KLHL13: variants seen among roughly 807,000 people sequenced by gnomAD.
KLHL13 encodes the protein kelch like family member 13.
A neutral mutation model predicts 37.1 loss-of-function variants in KLHL13; 10 were observed. The ratio of observed to expected loss-of-function variants is 0.27; its 90% CI spans 0.17 to 0.46. The LOEUF is 0.46. Ranked by LOEUF, KLHL13 falls within the 20% of genes least tolerant of loss-of-function variation. The probability of loss-of-function intolerance (pLI) is 1.00; values close to 1 mark genes in which losing one functional copy is unlikely to be tolerated. For missense variants in KLHL13, 360 were observed against 509.3 expected, an observed-to-expected ratio of 0.71 and a Z score of 2.82; for synonymous variants, 163 against 181.2, an observed-to-expected ratio of 0.90 and a Z score of 0.81.
rs5956005 is a variant in KLHL13, at chrX:118,066,590, G to A, written c.-56+49918C>T. On this transcript the variant is annotated intron_variant, in intron 1 of 6. Transcript: ENST00000371882. Reference sequence around the variant, plus strand: ...TCTTCAGGATTTTAGGTTAGGCAAAGATCTTGTAGCTATGAAAAACATGAT... The same window carrying A: ...TCTTCAGGATTTTAGGTTAGGCAAAAATCTTGTAGCTATGAAAAACATGAT... Among the ~76,000 whole-genome samples, 380 of 111,473 alleles carry A rather than the reference G, an allele frequency of 3.4e-3. 4 individuals carry two copies. The highest frequency in any genetic ancestry group is 0.012 in the African/African-American group (364 of 30,781).
chrX:117,904,987 G>GA (rs1448116794), intron 5 of KLHL13, among the ~76,000 whole-genome samples: 14 of 111,242 alleles, frequency 1.3e-4, no homozygotes, highest in African/African-American at 4.6e-4. Context: ...TCCAGAATCG[G>GA]TCCCAGAAGA....
chrX:118,028,629 T>C (rs1226120373), intron 1 of KLHL13, 132 bp from the exon 2 acceptor site: 1 of 309,443 alleles, frequency 3.2e-6, no homozygotes, highest in Non-Finnish European at 5.7e-6. Context: ...GTACTTAATG[T>C]TCATATTACA....
intron 1 of KLHL13, among the ~76,000 whole-genome samples, chrX:117,972,049 T>C (rs1033146347): frequency 8.9e-6 from 1 of 111,880 alleles, no homozygotes; most frequent in Non-Finnish European, 1.9e-5. Flanking sequence ...TGAAAACTTC[T>C]AGAAAGACTT....
chrX:117,976,011 T>C (rs1206168304), upstream of KLHL13, among the ~76,000 whole-genome samples: 2 of 111,824 alleles, frequency 1.8e-5, no homozygotes, highest in African/African-American at 3.2e-5. Flanking sequence ...TCTAATACCA[T>C]GAATCTTCCA....
intron 1 of KLHL13, among the ~76,000 whole-genome samples, chrX:118,107,590 A>G (rs1268224220): frequency 1.8e-5 from 2 of 112,120 alleles, no homozygotes; most frequent in African/African-American, 6.5e-5. Flanking sequence ...AGCACTCTAT[A>G]CGCATTATTA....
chrX:118,038,285 G>A (rs954909954), intron 1 of KLHL13, among the ~76,000 whole-genome samples: 4 of 112,037 alleles, frequency 3.6e-5, no homozygotes, highest in Non-Finnish European at 7.5e-5. Flanking sequence ...CTCTCCTGTA[G>A]GAAGACGAAA....
intron 1 of KLHL13, among the ~76,000 whole-genome samples, chrX:118,009,995 A>C (rs1368878640): frequency 9.0e-6 from 1 of 110,947 alleles, no homozygotes; most frequent in Non-Finnish European, 1.9e-5. Flanking sequence ...AAAAATGCTC[A>C]TCATCACTGG....
intron 1 of KLHL13, among the ~76,000 whole-genome samples, chrX:118,055,607 CA>C (rs1265620065): frequency 9.1e-6 from 1 of 110,264 alleles, no homozygotes; most frequent in South Asian, 3.8e-4. Context: ...TAAGGGGTTG[CA>C]AAAAAAATTC....
At chrX:117,962,137 G>T (rs1390218613) in intron 1 of KLHL13, among the ~76,000 whole-genome samples, 2 of 106,739 alleles carry the variant, frequency 1.9e-5, no homozygotes, top group African/African-American at 6.9e-5. Context: ...CTTGAGTCCG[G>T]TGGTCGAGGC....
chrX:118,041,430 G>A lies in KLHL13; in HGVS notation c.-56+75078C>T, dbSNP rs566673281. ...TAGTCCCAGCTACTAGGGAGGTTGAGGTGGGTGGATCACTTAAGGCCAGGA... is the reference window on the plus strand; with the variant it reads ...TAGTCCCAGCTACTAGGGAGGTTGAAGTGGGTGGATCACTTAAGGCCAGGA... On this transcript the variant is annotated intron_variant, in intron 1 of 6. Coordinates refer to the KLHL13 transcript ENST00000371882. Among the ~76,000 whole-genome samples the A allele has an allele frequency of 2.4e-4, 27 of 111,252 alleles. No individual in the cohort carries two copies. In the South Asian group the frequency reaches 9.6e-3, roughly 39 times the overall value.
intron 1 of KLHL13, among the ~76,000 whole-genome samples, chrX:118,115,088 G>A (rs1423708094): frequency 4.4e-5 from 5 of 112,384 alleles, no homozygotes; most frequent in Non-Finnish European, 7.5e-5. Context: ...CTCTTTTACC[G>A]TTAAGTATGA....
chrX:118,029,937 C>A (rs1205047649), intron 1 of KLHL13, among the ~76,000 whole-genome samples: 1 of 110,147 alleles, frequency 9.1e-6, no homozygotes, highest in Non-Finnish European at 1.9e-5. Context: ...AACTGCACTC[C>A]AGCCTGGGTG....
chrX:118,068,931 G>A (rs776528701), intron 1 of KLHL13, among the ~76,000 whole-genome samples: 1 of 110,987 alleles, frequency 9.0e-6, no homozygotes, highest in South Asian at 3.9e-4. Context: ...CTCAGGCAGA[G>A]TTGAGGCTGC....
intron 5 of KLHL13, among the ~76,000 whole-genome samples, chrX:117,903,374 T>C (rs1343559707): frequency 8.9e-6 from 1 of 111,846 alleles, no homozygotes; most frequent in African/African-American, 3.2e-5. Context: ...CAAAGGCTTT[T>C]ACTATTCTCA....
upstream of KLHL13, chrX:118,116,870 G>T (rs1254340472): frequency 7.6e-5 from 7 of 92,199 alleles, no homozygotes; most frequent in African/African-American, 1.9e-4. Context: ...GGCAGTGGGG[G>T]GGGGAGCGCG....
chrX:118,029,700 G>A (rs1056310974), intron 1 of KLHL13, among the ~76,000 whole-genome samples: 1 of 112,153 alleles, frequency 8.9e-6, no homozygotes. Flanking sequence ...TGGGTGCAGT[G>A]GCTGATGCCT....
chrX:117,972,699 C>T, intron 1 of KLHL13: 1 of 1,150,594 alleles, frequency 8.7e-7, no homozygotes, highest in Non-Finnish European at 1.2e-6. Flanking sequence ...TGAATGAAAT[C>T]CCACTTTAAT....
At chrX:117,950,588 A>T (rs1013997329) in intron 1 of KLHL13, among the ~76,000 whole-genome samples, 2 of 112,344 alleles carry the variant, frequency 1.8e-5, no homozygotes, top group African/African-American at 6.5e-5. Flanking sequence ...GTGGGTTGGT[A>T]TACAGGAACA....
chrX:118,044,583 T>C (rs1187717378), intron 1 of KLHL13, among the ~76,000 whole-genome samples: 1 of 111,356 alleles, frequency 9.0e-6, no homozygotes, highest in African/African-American at 3.3e-5. Context: ...AATAAATCCA[T>C]ACATCTTCAA....
Sources: gnomAD v4.1 joint callset for allele counts (sites outside exome capture counted in the v4.1 genomes callset) on GRCh38, gnomAD v4.1.1 for gene constraint, MANE v1.5 for transcripts, NCBI Gene and HGNC (gene_info 2026-07-23, HGNC 2026-07-21) for gene names.